Variants in WASF2 observed in about 807,000 individuals in gnomAD.
WASF2 encodes WASP family member 2, also known as actin-binding protein WASF2.
A neutral mutation model predicts 45.0 loss-of-function variants in WASF2; 14 were observed. The ratio of observed to expected loss-of-function variants is 0.31; its 90% CI spans 0.21 to 0.49. The LOEUF is 0.49. Among genes scored for constraint, WASF2 ranks in the 20% least tolerant of loss-of-function variants. The pLI, the probability that WASF2 is intolerant of heterozygous loss-of-function variation, is 0.99. For missense variants in WASF2, 439 were observed against 636.1 expected, an observed-to-expected ratio of 0.69 and a Z score of 3.33; for synonymous variants, 200 against 236.3, an observed-to-expected ratio of 0.85 and a Z score of 1.41.
chr1:27,426,456 A>G (rs1462288937), intron 2 of WASF2, among the ~76,000 whole-genome samples: 1 of 152,002 alleles, frequency 6.6e-6, no homozygotes, highest in Non-Finnish European at 1.5e-5. Context: ...AGGAAGTCTG[A>G]GTTTAAACAG....
intron 1 of WASF2, among the ~76,000 whole-genome samples, chr1:27,485,100 A>G (rs2017905566): frequency 6.6e-6 from 1 of 152,162 alleles, no homozygotes; most frequent in South Asian, 2.1e-4. Context: ...CAGTGAGCCA[A>G]GATTGCGCCA....
intron 1 of WASF2, among the ~76,000 whole-genome samples, chr1:27,440,336 C>T (rs1030740094): frequency 1.3e-5 from 2 of 152,122 alleles, no homozygotes; most frequent in Non-Finnish European, 1.5e-5. Context: ...CCAGTCTAGG[C>T]AATGTGGAGA....
intron 1 of WASF2, among the ~76,000 whole-genome samples, chr1:27,442,600 T>G (rs2017252613): frequency 6.6e-6 from 1 of 151,586 alleles, no homozygotes; most frequent in South Asian, 2.1e-4. Flanking sequence ...GCCTCATGCC[T>G]ATAATCACAG....
chr1:27,432,635 G>A (rs1311444776), intron 1 of WASF2, among the ~76,000 whole-genome samples: 1 of 86,492 alleles, frequency 1.2e-5, no homozygotes, highest in Non-Finnish European at 2.0e-5. Context: ...GCGACAGAGC[G>A]AAACTCTGTC....
At chr1:27,480,190 C>G (rs918433615) in intron 1 of WASF2, among the ~76,000 whole-genome samples, 1 of 152,156 alleles carries the variant, frequency 6.6e-6, no homozygotes, top group Admixed American at 6.6e-5. Flanking sequence ...AACAAAATTT[C>G]TCAAGACCTG....
At chr1:27,488,137 G>C (rs1009669018) in intron 1 of WASF2, among the ~76,000 whole-genome samples, 13 of 152,044 alleles carry the variant, frequency 8.6e-5, no homozygotes, top group Admixed American at 3.9e-4. Context: ...CCACTGCTAA[G>C]AAACGCCCTC....
intron 2 of WASF2, among the ~76,000 whole-genome samples, chr1:27,419,601 C>T (rs1032238268): frequency 2.0e-5 from 3 of 152,100 alleles, no homozygotes; most frequent in Non-Finnish European, 4.4e-5. Flanking sequence ...GGTGACGGAG[C>T]GAGACTCCAA....
At position 27,404,569 on chromosome 1, in the gene WASF2, C is replaced by G. The variant is rs926307680; in HGVS notation, c.*3620G>C. ...GGCATCCCTACTACACATATACCCC[C>G]CTTCCCTAAAATCTTGATGTGGCAA... On this transcript the variant is annotated 3_prime_UTR_variant, in exon 9 of 9. Transcript: ENST00000618852. 2.0e-5 allele frequency: 3 copies of G among 152,140 alleles called. No individual in the cohort carries two copies. The highest frequency in any genetic ancestry group is 7.2e-5 in the African/African-American group (3 of 41,416). The allele number at this position is 152,140 out of a possible 1,614,324, so 9.4% of individuals were successfully genotyped here. A position where few individuals can be genotyped will look rare whatever the true frequency, so the allele number is the denominator to read the frequency against.
intron 1 of WASF2, among the ~76,000 whole-genome samples, chr1:27,485,788 T>C (rs1199542061): frequency 2.6e-5 from 4 of 152,218 alleles, no homozygotes; most frequent in Non-Finnish European, 5.9e-5. Flanking sequence ...CTCAGCTCAC[T>C]GCAACCTCCG....
chr1:27,460,012 A>G (rs541464114), intron 1 of WASF2, among the ~76,000 whole-genome samples: 46 of 152,352 alleles, frequency 3.0e-4, no homozygotes, highest in African/African-American at 1.1e-3. Context: ...GATAACACAT[A>G]TGCTTTGATT....
At chr1:27,429,164 CT>C (rs113221842) in intron 1 of WASF2, among the ~76,000 whole-genome samples, 149,521 of 152,088 alleles carry the variant, frequency 0.98, 73,544 homozygotes, top group Middle Eastern at 1. Flanking sequence ...AAATTCTGGA[CT>C]TGGTGACTGC....
At chr1:27,409,228 TC>T (rs2016723516) in intron 8 of WASF2, among the ~76,000 whole-genome samples, 1 of 151,632 alleles carries the variant, frequency 6.6e-6, no homozygotes, top group Non-Finnish European at 1.5e-5. Context: ...ATCAAGACCA[TC>T]CTGGCTAACA....
chr1:27,434,673 A>G lies in WASF2; in HGVS notation c.-43-5740T>C, dbSNP rs540387155. 3.3e-5 allele frequency among the ~76,000 whole-genome samples: 5 copies of G among 152,322 alleles called. No homozygotes were observed. The South Asian group carries it at 1.0e-3, about 32-fold the overall frequency. ...AGGAGTTAGCTACCCAAAAAATTTC[A>G]AAGAAAAACTGTATTTTGGACCAGC... On this transcript the variant is annotated intron_variant, in intron 1 of 8. Transcript: ENST00000618852.
chr1:27,420,368 A>T (rs953192085), intron 2 of WASF2, among the ~76,000 whole-genome samples: 1 of 152,190 alleles, frequency 6.6e-6, no homozygotes, highest in African/African-American at 2.4e-5. Context: ...AAAGTTCCGT[A>T]CTTTCAACCC....
chr1:27,434,952 A>G (rs535536231), intron 1 of WASF2, among the ~76,000 whole-genome samples: 21 of 146,930 alleles, frequency 1.4e-4, no homozygotes, highest in African/African-American at 4.0e-4. Context: ...TTATCATGCA[A>G]TTTTTTTTTT....
At chr1:27,433,320 T>C (rs1166718621) in intron 1 of WASF2, among the ~76,000 whole-genome samples, 1 of 152,166 alleles carries the variant, frequency 6.6e-6, no homozygotes, top group Non-Finnish European at 1.5e-5. Flanking sequence ...GTTTTCTCAA[T>C]TCCCCTCAAG....
rs1439399237 is a variant in WASF2, at chr1:27,415,036, C to T, written c.538-73G>A. 15 of 1,546,512 alleles carry T rather than the reference C, an allele frequency of 9.7e-6. No homozygotes were observed. The East Asian group carries it at 2.9e-4, about 30-fold the overall frequency. Reference sequence around the variant, plus strand: ...TCTTCATTAAAATTCTACCCATCTTCATGGATGCGTATCTAAGAGATAATC... The same window carrying T: ...TCTTCATTAAAATTCTACCCATCTTTATGGATGCGTATCTAAGAGATAATC... On this transcript the variant is annotated intron_variant, in intron 5 of 8. Coordinates refer to ENST00000618852, the MANE Select transcript of WASF2 (RefSeq NM_006990.5).
chr1:27,442,351 C>T lies in WASF2; in HGVS notation c.-43-13418G>A, dbSNP rs977176560. On this transcript the variant is annotated intron_variant, in intron 1 of 8. Transcript: ENST00000618852. ...ACAAGGTCAAGAGTTCAAGACCAGC[C>T]TGGCCAATATGGTAAAACCCCGTCT... Among the ~76,000 whole-genome samples the T allele has an allele frequency of 2.0e-5, 3 of 152,172 alleles. No homozygotes were observed. The East Asian group carries it at 5.8e-4, about 30-fold the overall frequency.
chr1:27,473,756 G>A (rs570736372), intron 1 of WASF2, among the ~76,000 whole-genome samples: 15 of 152,212 alleles, frequency 9.9e-5, no homozygotes, highest in African/African-American at 3.4e-4. Flanking sequence ...AAACAAATGT[G>A]AGCTACACAA....
Sources: allele counts gnomAD v4.1 joint callset (sites outside exome capture counted in the v4.1 genomes callset), GRCh38; gene constraint gnomAD v4.1.1; transcripts MANE v1.5; gene names NCBI Gene and HGNC (gene_info 2026-07-23, HGNC 2026-07-21).